Variants in YES1 observed in about 807,000 individuals in gnomAD.
YES1 encodes the protein YES proto-oncogene 1, Src family tyrosine kinase.
In YES1, 39 loss-of-function variants were observed where a neutral mutation model predicts 70.4. The ratio of observed to expected loss-of-function variants is 0.55; its 90% CI spans 0.43 to 0.72. YES1 has a LOEUF of 0.72. Among genes scored for constraint, YES1 ranks in the 30% least tolerant of loss-of-function variants. The pLI is 0.00. For synonymous variants in YES1, 198 were observed against 218.6 expected, an observed-to-expected ratio of 0.91 and a Z score of 0.83; for missense variants, 495 against 644.8, an observed-to-expected ratio of 0.77 and a Z score of 2.52.
chr18:750,706 G>A (rs766798805), intron 3 of YES1, among the ~76,000 whole-genome samples: 10 of 152,136 alleles, frequency 6.6e-5, no homozygotes, highest in Non-Finnish European at 1.2e-4. Context: ...AATCCAGCAG[G>A]GGATAAGGAC....
intron 1 of YES1, among the ~76,000 whole-genome samples, chr18:809,797 A>C (rs1343655768): frequency 6.6e-6 from 1 of 152,178 alleles, no homozygotes; most frequent in Non-Finnish European, 1.5e-5. Flanking sequence ...GTAAAATAAA[A>C]CATAGAAACA....
At chr18:755,938 C>T (rs1218184618) in intron 2 of YES1, among the ~76,000 whole-genome samples, 6 of 152,102 alleles carry the variant, frequency 3.9e-5, no homozygotes. Context: ...CCTTCTGTCT[C>T]CACGAAAGGT....
intron 1 of YES1, among the ~76,000 whole-genome samples, chr18:764,572 G>A (rs992025688): frequency 3.9e-5 from 6 of 152,192 alleles, no homozygotes; most frequent in African/African-American, 1.4e-4. Context: ...TTAAGGTAGA[G>A]GACAGAGGAA....
chr18:770,048 C>T (rs1905084043), intron 1 of YES1, among the ~76,000 whole-genome samples: 1 of 151,762 alleles, frequency 6.6e-6, no homozygotes, highest in South Asian at 2.1e-4. Flanking sequence ...CAATCTCTGC[C>T]TCCTGGGTTC....
Position 743,314 on chromosome 18 carries a change from A to T in YES1, c.826T>A (p.Ser276Thr). ...CCTAGTTTAACCTCTAGTCGCAAAG[A>T]TTCTCGAGGGATTTCCCAAGCATCT... ...AKDAWEIPRE[S>T]LRLEVKLGQG... is the part of the protein sequence containing the mutation. The change falls in exon 7 of 12, where the codon TCT becomes ACT. Residue 276 changes from serine (S) to threonine (T), a missense_variant. By Grantham distance (58) the Ser-to-Thr change is moderately conservative. Coordinates refer to ENST00000314574, the MANE Select transcript of YES1 (RefSeq NM_005433.4). 2 of 1,612,372 alleles carry T rather than the reference A, an allele frequency of 1.2e-6. No homozygotes were observed. Among genetic ancestry groups the T allele is most frequent in the African/African-American group, 1.3e-5 (1 of 74,976 alleles).
chr18:782,640 G>A (rs537511922), intron 1 of YES1, among the ~76,000 whole-genome samples: 2 of 152,236 alleles, frequency 1.3e-5, no homozygotes, highest in East Asian at 3.9e-4. Context: ...TATATGAATG[G>A]GAAATGTGTG....
intron 1 of YES1, among the ~76,000 whole-genome samples, chr18:779,236 C>T (rs9960806): frequency 0.094 from 14,170 of 151,540 alleles, 858 homozygotes; most frequent in Admixed American, 0.21. Context: ...ACCCCCGTCC[C>T]GGCAAAAAAT....
chr18:768,805 A>G (rs1905024312), intron 1 of YES1, among the ~76,000 whole-genome samples: 1 of 151,842 alleles, frequency 6.6e-6, no homozygotes, highest in African/African-American at 2.4e-5. Context: ...CAGGTTCAAG[A>G]GATTCTCGTG....
chr18:751,597 C>A, intron 3 of YES1, 108 bp downstream of exon 3: 3 of 729,498 alleles, frequency 4.1e-6, no homozygotes, highest in Non-Finnish European at 7.1e-6. Flanking sequence ...CAGTGGGCAG[C>A]CCATGCCCTA....
chr18:741,463 T>C (rs769102094), intron 8 of YES1, among the ~76,000 whole-genome samples: 1 of 152,112 alleles, frequency 6.6e-6, no homozygotes, highest in Non-Finnish European at 1.5e-5. Flanking sequence ...TCAGCCACCA[T>C]GCCTGGCCCT....
intron 1 of YES1, among the ~76,000 whole-genome samples, chr18:772,244 G>T (rs527890601): frequency 1.3e-5 from 2 of 151,812 alleles, no homozygotes; most frequent in Non-Finnish European, 2.9e-5. Flanking sequence ...GGTCAGGCTG[G>T]TCTCAAACTC....
At chr18:730,560 G>A (rs1433560267) in intron 11 of YES1, among the ~76,000 whole-genome samples, 1 of 151,876 alleles carries the variant, frequency 6.6e-6, no homozygotes, top group Non-Finnish European at 1.5e-5. Flanking sequence ...TCCTTCTCTG[G>A]GACCCTGTCC....
chr18:755,427 T>A (rs2080394450), intron 2 of YES1, among the ~76,000 whole-genome samples: 1 of 152,094 alleles, frequency 6.6e-6, no homozygotes, highest in Non-Finnish European at 1.5e-5. Context: ...TTTTTTTGTA[T>A]TTTTAGTTGA....
chr18:744,513 C>T (rs571240064), intron 6 of YES1, among the ~76,000 whole-genome samples: 6 of 151,632 alleles, frequency 4.0e-5, no homozygotes, highest in Admixed American at 3.9e-4. Flanking sequence ...CCTCAGCCTC[C>T]CAAGTAGCTG....
At chr18:802,039 T>G (rs1388322605) in intron 1 of YES1, among the ~76,000 whole-genome samples, 7 of 152,218 alleles carry the variant, frequency 4.6e-5, no homozygotes, top group Non-Finnish European at 8.8e-5. Flanking sequence ...ATATTTAATA[T>G]CTGACCTTAA....
intron 1 of YES1, among the ~76,000 whole-genome samples, chr18:810,402 C>T (rs748736105): frequency 2.0e-5 from 3 of 152,162 alleles, no homozygotes; most frequent in Non-Finnish European, 4.4e-5. Flanking sequence ...TATACTTCGA[C>T]CACAAGACAA....
At chr18:747,285 T>C (rs965538959) in intron 4 of YES1, among the ~76,000 whole-genome samples, 15 of 152,208 alleles carry the variant, frequency 9.9e-5, no homozygotes, top group Middle Eastern at 3.4e-3. Flanking sequence ...GCCTGGCCAA[T>C]AGGCGAAACC....
chr18:726,444 C>T (rs1189113367), intron 11 of YES1, among the ~76,000 whole-genome samples: 1 of 149,684 alleles, frequency 6.7e-6, no homozygotes, highest in Admixed American at 6.7e-5. Flanking sequence ...AAAACAAAAA[C>T]AACTTCACTC....
At chr18:755,248 T>C (rs2080390458) in intron 2 of YES1, among the ~76,000 whole-genome samples, 1 of 151,382 alleles carries the variant, frequency 6.6e-6, no homozygotes, top group Non-Finnish European at 1.5e-5. Context: ...CTCTGGCCAT[T>C]GCCTTTTTTT....
Sources: gnomAD v4.1 joint callset for allele counts (sites outside exome capture counted in the v4.1 genomes callset) on GRCh38, gnomAD v4.1.1 for gene constraint, MANE v1.5 for transcripts, NCBI Gene and HGNC (gene_info 2026-07-23, HGNC 2026-07-21) for gene names.